The following COL24A1 variants were observed in gnomAD, a reference collection of about 807,000 sequenced individuals.
COL24A1 encodes the protein collagen type XXIV alpha 1 chain, also known as collagen alpha-1(XXIV) chain.
Under a neutral mutation model 253.9 loss-of-function variants are expected in COL24A1, and 224 were observed. The observed-to-expected ratio is 0.88, with a 90% CI of 0.79 to 0.99. The LOEUF is 0.99. Among genes scored for constraint, COL24A1 ranks in the 50% least tolerant of loss-of-function variants. The pLI, the probability that COL24A1 is intolerant of heterozygous loss-of-function variation, is 0.00. For missense variants in COL24A1, 2,131 were observed against 2,068.5 expected (o/e 1.03, Z -0.59); for synonymous variants, 685 against 673.7 (o/e 1.02, Z -0.26).
chr1:85,763,081 A>G (rs1570500027), intron 53 of COL24A1, among the ~76,000 whole-genome samples: 1 of 152,300 alleles, frequency 6.6e-6, no homozygotes. Context: ...ACTCTAGCTA[A>G]TACACCATTA....
intron 32 of COL24A1, among the ~76,000 whole-genome samples, chr1:85,881,430 A>T (rs1348000079): frequency 6.6e-6 from 1 of 151,688 alleles, no homozygotes; most frequent in Non-Finnish European, 1.5e-5. Context: ...CAGCCTGACC[A>T]ACCTGGTGAA....
intron 7 of COL24A1, among the ~76,000 whole-genome samples, chr1:86,081,567 A>G (rs942514723): frequency 1.3e-5 from 2 of 152,154 alleles, no homozygotes; most frequent in African/African-American, 4.8e-5. Flanking sequence ...GTAAAATATC[A>G]CATAGGTTTA....
At chr1:86,010,257 TACAA>T (rs1696369413) in intron 19 of COL24A1, among the ~76,000 whole-genome samples, 3 of 152,048 alleles carry the variant, frequency 2.0e-5, no homozygotes, top group Non-Finnish European at 2.9e-5. Context: ...CAAAAAACAC[TACAA>T]ACAAAGTCAA....
chr1:85,821,860 A>C (rs1673654347), intron 45 of COL24A1, among the ~76,000 whole-genome samples: 1 of 152,172 alleles, frequency 6.6e-6, no homozygotes, highest in Non-Finnish European at 1.5e-5. Flanking sequence ...AAAATGTCTT[A>C]CTCCTGAGAC....
Position 86,089,190 on chromosome 1 carries a change from C to A in COL24A1, c.1691G>T (p.Gly564Val). 1 of 1,583,874 alleles carries A rather than the reference C, an allele frequency of 6.3e-7. No homozygotes were observed. The highest frequency in any genetic ancestry group is 8.5e-7 in the Non-Finnish European group (1 of 1,172,002). The change falls in exon 7 of 60, where the codon GGT becomes GTT. Residue 564 changes from glycine (G) to valine (V), a missense_variant. By Grantham distance (109) the Gly-to-Val change is moderately radical. Transcript: ENST00000370571. ...CCAACTTACCTTATCACCTTGCATACCAGGGGGGCCCATTAATCCAGAAAG... is the reference window on the plus strand; with the variant it reads ...CCAACTTACCTTATCACCTTGCATAACAGGGGGGCCCATTAATCCAGAAAG... ...QGLSGLMGPP[G>V]MQGDKGLKGH...
intron 56 of COL24A1, among the ~76,000 whole-genome samples, 167 bp from the exon 57 acceptor site, chr1:85,745,001 T>C (rs986470307): frequency 3.3e-5 from 5 of 151,928 alleles, no homozygotes; most frequent in African/African-American, 7.3e-5. Context: ...ATAACCTTAA[T>C]CTTTTAAAGA....
chr1:86,053,140 T>C (rs1397238894), intron 10 of COL24A1, among the ~76,000 whole-genome samples: 1 of 152,118 alleles, frequency 6.6e-6, no homozygotes, highest in African/African-American at 2.4e-5. Flanking sequence ...TTTAGGATTA[T>C]GATGACAAGC....
chr1:85,939,936 T>A (rs983445829), intron 24 of COL24A1, among the ~76,000 whole-genome samples: 1 of 150,110 alleles, frequency 6.7e-6, no homozygotes, highest in Admixed American at 6.6e-5. Flanking sequence ...TAAATAAAAA[T>A]AATGACTACT....
At chr1:86,093,319 G>T (rs1373319502) in intron 5 of COL24A1, among the ~76,000 whole-genome samples, 3 of 151,956 alleles carry the variant, frequency 2.0e-5, no homozygotes, top group African/African-American at 4.8e-5. Context: ...TGTAAGGAAG[G>T]GGGGTCCAGT....
At chr1:85,755,907 GA>G (rs199846494) in intron 55 of COL24A1, among the ~76,000 whole-genome samples, 17 of 25,370 alleles carry the variant, frequency 6.7e-4, no homozygotes, top group East Asian at 1.6e-3. Flanking sequence ...GACTATATCA[GA>G]AAAAAAAAAA....
chr1:85,791,109 G>C (rs1047962708), intron 47 of COL24A1, among the ~76,000 whole-genome samples: 3 of 152,150 alleles, frequency 2.0e-5, no homozygotes, highest in Non-Finnish European at 4.4e-5. Flanking sequence ...TGCTTGAAAT[G>C]TTGAGGACAC....
At position 85,945,017 on chromosome 1, in the gene COL24A1, T is replaced by TTTTTTG. The variant is rs1553237013; in HGVS notation, c.2562+16231_2562+16232insCAAAAA. On this transcript the variant is annotated intron_variant, in intron 24 of 59. Transcript: ENST00000370571. ...CTATCATTGTGTTTTTTTTTTTTTT[T>TTTTTTG]TTTTTTTTTTTTTTTTTTGAGACAG... Among the ~76,000 whole-genome samples the TTTTTTG allele has an allele frequency of 1.2e-3, 111 of 92,732 alleles. 1 individual carries two copies. The highest frequency in any genetic ancestry group is 4.8e-3 in the South Asian group (9 of 1,892). 60.8% of individuals were successfully genotyped at this position (92,732 alleles called of 152,430 possible).
chr1:86,106,080 A>G (rs1704957644), intron 5 of COL24A1, among the ~76,000 whole-genome samples: 1 of 151,936 alleles, frequency 6.6e-6, no homozygotes, highest in Non-Finnish European at 1.5e-5. Flanking sequence ...CATTTTTTAC[A>G]TTTTCATAAT....
intron 5 of COL24A1, among the ~76,000 whole-genome samples, chr1:86,106,889 A>T (rs976997630): frequency 6.6e-6 from 1 of 152,212 alleles, no homozygotes; most frequent in Non-Finnish European, 1.5e-5. Flanking sequence ...AAATTGCTGC[A>T]TATCCACTAA....
In COL24A1 at chr1:85,907,285, C is replaced by A. The variant is rs763826680; in HGVS notation, c.2725-38G>T. ...AATTTAAAGTCAGTTGTAGAATTTA[C>A]AAGAATACTATCAGAATAATAGCCA... On this transcript the variant is annotated intron_variant, in intron 27 of 59. Transcript: ENST00000370571. 13 of 1,501,508 alleles carry A rather than the reference C, an allele frequency of 8.7e-6. No individual in the cohort carries two copies. In the South Asian group the frequency reaches 1.2e-4, roughly 14 times the overall value. 93.0% of individuals were successfully genotyped at this position (1,501,508 alleles called of 1,614,324 possible). A position where few individuals can be genotyped will look rare whatever the true frequency, so the allele number is the denominator to read the frequency against.
intron 20 of COL24A1, among the ~76,000 whole-genome samples, chr1:85,971,596 G>A (rs1692174947): frequency 6.6e-6 from 1 of 152,162 alleles, no homozygotes; most frequent in Non-Finnish European, 1.5e-5. Flanking sequence ...TAAACAGTAA[G>A]TTAATATTCA....
At position 85,768,405 on chromosome 1, in the gene COL24A1, G is replaced by A. The variant is rs1334747471; in HGVS notation, c.4375-6839C>T. ...CTATTTGCTATGTAGAGAATAGATC[G>A]TAGTGGGGGAAAAGTGGAAGAAACG... On this transcript the variant is annotated intron_variant, in intron 53 of 59. Transcript: ENST00000370571. Among the ~76,000 whole-genome samples the A allele has an allele frequency of 7.2e-5, 11 of 152,092 alleles. No individual in the cohort carries two copies. The South Asian group carries it at 8.3e-4, about 11-fold the overall frequency.
chr1:85,924,849 G>C (rs1483613879), intron 24 of COL24A1, among the ~76,000 whole-genome samples: 2 of 152,130 alleles, frequency 1.3e-5, no homozygotes, highest in African/African-American at 4.8e-5. Flanking sequence ...AAGAAATAAA[G>C]GGTATTCAAT....
At chr1:86,079,109 A>T (rs1702451738) in intron 7 of COL24A1, among the ~76,000 whole-genome samples, 1 of 152,166 alleles carries the variant, frequency 6.6e-6, no homozygotes, top group South Asian at 2.1e-4. Context: ...AAACAGACAC[A>T]CAGACAAAAG....
Sources: allele counts gnomAD v4.1 joint callset (sites outside exome capture counted in the v4.1 genomes callset), GRCh38; gene constraint gnomAD v4.1.1; transcripts MANE v1.5; gene names NCBI Gene and HGNC (gene_info 2026-07-23, HGNC 2026-07-21).